ZNF273: variants seen among roughly 807,000 people sequenced by gnomAD.
ZNF273 encodes the protein zinc finger protein 9.
Under a neutral mutation model 14.9 loss-of-function variants are expected in ZNF273, and 11 were observed. The ratio of observed to expected loss-of-function variants is 0.74; its 90% CI spans 0.46 to 1.22. The LOEUF (loss-of-function observed/expected upper bound fraction) is 1.22. Among genes scored for constraint, ZNF273 ranks in the 50% most tolerant of loss-of-function variants. The pLI, the probability that ZNF273 is intolerant of heterozygous loss-of-function variation, is 0.00. For missense variants in ZNF273, 577 were observed against 660.6 expected, an observed-to-expected ratio of 0.87 and a Z score of 1.39; for synonymous variants, 199 against 223.9, an observed-to-expected ratio of 0.89 and a Z score of 0.99.
intron 1 of ZNF273, among the ~76,000 whole-genome samples, chr7:64,911,853 G>A (rs1468543687): frequency 6.6e-6 from 1 of 152,092 alleles, no homozygotes; most frequent in East Asian, 1.9e-4. Flanking sequence ...ACTTTTTGAT[G>A]TGAGCATTTA....
At chr7:64,898,467 A>G (rs1792494758), upstream of ZNF273, among the ~76,000 whole-genome samples, 1 of 152,240 alleles carries the variant, frequency 6.6e-6, no homozygotes, top group Non-Finnish European at 1.5e-5. Flanking sequence ...TAACATTTTT[A>G]GCTAAGAAGA....
At position 64,930,661 on chromosome 7, in the gene ZNF273, CT is replaced by C. The variant is rs1272927325; in HGVS notation, c.*1627del. On this transcript the variant is annotated 3_prime_UTR_variant, in exon 4 of 4. Transcript: ENST00000476120. ...AGTGGACTAACATTTTTAGTAATCT[CT>C]TTTGCCAGTGGCTTTAAACTGCAGA... is the stretch of plus-strand genomic sequence containing the variant. 6.6e-6 allele frequency: 1 copy of C among 152,120 alleles called. No individual in the cohort carries two copies. Among genetic ancestry groups the C allele is most frequent in the Admixed American group, 6.6e-5 (1 of 15,264 alleles). The allele number at this position is 152,120 out of a possible 1,614,324, so 9.4% of individuals were successfully genotyped here.
intron 1 of ZNF273, among the ~76,000 whole-genome samples, chr7:64,888,030 C>G (rs1000967550): frequency 2.0e-5 from 3 of 152,134 alleles, no homozygotes; most frequent in Non-Finnish European, 2.9e-5. Context: ...TGAGAAGTCC[C>G]AGCCCCAATG....
rs1470510966 is a variant in ZNF273 at position 64,930,271 on chromosome 7, C to G, written c.*1233C>G. The G allele has an allele frequency of 6.6e-6, 1 of 151,854 alleles. No individual in the cohort carries two copies. The highest frequency in any genetic ancestry group is 1.5e-5 in the Non-Finnish European group (1 of 67,986). 9.4% of individuals were successfully genotyped at this position (151,854 alleles called of 1,614,324 possible). ...TTTATTAGGTGGGCATTATTTATGACCTTTTCTGTGGAAGAGTAAGAACAT... is the reference window on the plus strand; with the variant it reads ...TTTATTAGGTGGGCATTATTTATGAGCTTTTCTGTGGAAGAGTAAGAACAT... On this transcript the variant is annotated 3_prime_UTR_variant, in exon 4 of 4. Coordinates refer to ENST00000476120, the MANE Select transcript of ZNF273 (RefSeq NM_021148.3).
rs1794931581 is a variant in ZNF273, at chr7:64,929,675, T to C, written c.*637T>C. The C allele has an allele frequency of 1.3e-5, 2 of 152,222 alleles. No homozygotes were observed. The highest frequency in any genetic ancestry group is 6.5e-5 in the Admixed American group (1 of 15,282). 9.4% of individuals were successfully genotyped at this position (152,222 alleles called of 1,614,324 possible). A position where few individuals can be genotyped will look rare whatever the true frequency, so the allele number is the denominator to read the frequency against. ...CATTACACAAAATCAGAGTGCTGAG[T>C]ACAGAAAGTTATCCAAAACAAAAGT... On this transcript the variant is annotated 3_prime_UTR_variant, in exon 4 of 4. Coordinates refer to ENST00000476120, the MANE Select transcript of ZNF273 (RefSeq NM_021148.3).
At chr7:64,934,514 G>A (rs1262419506), downstream of ZNF273, among the ~76,000 whole-genome samples, 2 of 152,020 alleles carry the variant, frequency 1.3e-5, no homozygotes, top group African/African-American at 4.8e-5. Flanking sequence ...TGAAATGAGG[G>A]CCTCATTGCT....
chr7:64,886,776 G>A (rs1336667287), intron 1 of ZNF273, among the ~76,000 whole-genome samples: 5 of 152,196 alleles, frequency 3.3e-5, no homozygotes, highest in East Asian at 1.9e-4. Flanking sequence ...GGTGACCTAC[G>A]ATGCTTTTTA....
chr7:64,883,214 A>ACCCC (rs57594044), downstream of ZNF273, among the ~76,000 whole-genome samples: 3,983 of 119,828 alleles, frequency 0.033, 227 homozygotes, highest in South Asian at 0.066. Flanking sequence ...CCAAATCACC[A>ACCCC]CCCCCCCCTC....
intron 3 of ZNF273, among the ~76,000 whole-genome samples, chr7:64,920,386 C>T (rs1481508774): frequency 6.6e-6 from 1 of 152,128 alleles, no homozygotes. Context: ...GTGTGGATTT[C>T]TATGTAGGCA....
Position 64,930,301 on chromosome 7 carries a change from A to C in ZNF273, c.*1263A>C, listed in dbSNP as rs1185575351. On this transcript the variant is annotated 3_prime_UTR_variant, in exon 4 of 4. Coordinates refer to ENST00000476120, the MANE Select transcript of ZNF273 (RefSeq NM_021148.3). The stretch of plus-strand genomic sequence containing the variant: ...TCTGTGGAAGAGTAAGAACATTAAA[A>C]TGAAAGATGCATGATGAAAATCTAA... 6.6e-6 allele frequency: 1 copy of C among 152,214 alleles called. No homozygotes were observed. Among genetic ancestry groups the C allele is most frequent in the African/African-American group, 2.4e-5 (1 of 41,472 alleles). 9.4% of individuals were successfully genotyped at this position (152,214 alleles called of 1,614,324 possible).
the ZNF273 span, among the ~76,000 whole-genome samples, chr7:64,937,107 T>C: frequency 6.6e-6 from 1 of 152,240 alleles, no homozygotes; most frequent in Non-Finnish European, 1.5e-5. Flanking sequence ...ACAAAATGAA[T>C]CTTTATTTTA....
At chr7:64,912,826 G>GTTTTTTGTTGTTGTTTTTTTTTTTTTTTT in intron 1 of ZNF273, among the ~76,000 whole-genome samples, 17 of 36,576 alleles carry the variant, frequency 4.6e-4, no homozygotes, top group Non-Finnish European at 7.4e-4. Flanking sequence ...ATTCATTTTA[G>GTTTTTTGTTGTTGTTTTTTTTTTTTTTTT]TTTTTTTTTT....
chr7:64,898,395 G>A (rs774194114), upstream of ZNF273, among the ~76,000 whole-genome samples: 1 of 152,056 alleles, frequency 6.6e-6, no homozygotes, highest in Non-Finnish European at 1.5e-5. Flanking sequence ...TAGTACTCGC[G>A]TGCCAAACGC....
At chr7:64,884,800 G>C (rs898469076) in intron 1 of ZNF273, among the ~76,000 whole-genome samples, 5 of 152,192 alleles carry the variant, frequency 3.3e-5, no homozygotes, top group African/African-American at 9.7e-5. Context: ...TCACATTCTC[G>C]AATCGCCTTT....
At chr7:64,915,907 CAGAGA>C in intron 1 of ZNF273, among the ~76,000 whole-genome samples, 1 of 152,170 alleles carries the variant, frequency 6.6e-6, no homozygotes, top group Middle Eastern at 3.4e-3. Flanking sequence ...AATAATTACT[CAGAGA>C]TGGCCAGGCA....
chr7:64,896,054 A>T (rs1792345419), intron 3 of ZNF273, among the ~76,000 whole-genome samples: 1 of 151,954 alleles, frequency 6.6e-6, no homozygotes, highest in East Asian at 1.9e-4. Flanking sequence ...TCTGTCACCA[A>T]TAATTGCCTA....
At chr7:64,904,485 G>T (rs1185749288) in intron 1 of ZNF273, among the ~76,000 whole-genome samples, 1 of 152,060 alleles carries the variant, frequency 6.6e-6, no homozygotes, top group African/African-American at 2.4e-5. Flanking sequence ...ACTCTACAGG[G>T]GATAGATTTT....
chr7:64,893,231 CAG>C (rs1792144090), downstream of ZNF273, among the ~76,000 whole-genome samples: 1 of 152,170 alleles, frequency 6.6e-6, no homozygotes, highest in Non-Finnish European at 1.5e-5. Context: ...CATCATCACT[CAG>C]AGACAACCAA....
chr7:64,889,258 A>G (rs1014004876), downstream of ZNF273: 2 of 984,760 alleles, frequency 2.0e-6, no homozygotes, highest in Admixed American at 6.2e-5. This position sits in a 1 kb window ranked among gnomAD's most constrained non-coding sequence, Gnocchi z 4.2. Context: ...CCCGCCCGCA[A>G]AGGGCCGGGA....
Sources: allele counts gnomAD v4.1 joint callset (sites outside exome capture counted in the v4.1 genomes callset), GRCh38; gene constraint gnomAD v4.1.1; non-coding constraint Gnocchi (gnomAD v3.1); transcripts MANE v1.5; gene names NCBI Gene and HGNC (gene_info 2026-07-23, HGNC 2026-07-21).